RUNDC3B: variants seen among roughly 807,000 people sequenced by gnomAD.
RUNDC3B encodes the protein RUN domain containing 3B, also known as RUN domain-containing protein 3B.
Under a neutral mutation model 58.4 loss-of-function variants are expected in RUNDC3B, and 33 were observed. The ratio of observed to expected loss-of-function variants is 0.56; its 90% CI spans 0.43 to 0.75. The LOEUF (loss-of-function observed/expected upper bound fraction) is 0.75. Among genes scored for constraint, RUNDC3B ranks in the 30% least tolerant of loss-of-function variants. RUNDC3B has a pLI of 0.00. For missense variants in RUNDC3B, 501 were observed against 535.7 expected (o/e 0.94, Z 0.64); for synonymous variants, 193 against 195.2 (o/e 0.99, Z 0.10).
rs182663174 is a variant in RUNDC3B at position 87,766,496 on chromosome 7, T to C, written c.630-4085T>C. Among the ~76,000 whole-genome samples, 393 of 152,254 alleles carry C rather than the reference T, an allele frequency of 2.6e-3. 1 individual carries two copies. The highest frequency in any genetic ancestry group is 7.9e-3 in the Admixed American group (121 of 15,288). On this transcript the variant is annotated intron_variant, in intron 6 of 10. Transcript: ENST00000394654. The stretch of plus-strand genomic sequence containing the variant: ...GGGAAGGACTTTATTTCTTCTTCAT[T>C]GATGAAGCTTAGTTTGGCAGTATAT...
intron 9 of RUNDC3B, among the ~76,000 whole-genome samples, chr7:87,811,403 G>A (rs573389017): frequency 2.0e-5 from 3 of 151,236 alleles, no homozygotes; most frequent in East Asian, 3.9e-4. Context: ...GCACGATCTC[G>A]GCTCACCACA....
intron 4 of RUNDC3B, among the ~76,000 whole-genome samples, chr7:87,734,167 C>G (rs1373988283): frequency 6.6e-6 from 1 of 152,110 alleles, no homozygotes; most frequent in Non-Finnish European, 1.5e-5. Context: ...TTTTGAAAAA[C>G]TGAATCTTTC....
chr7:87,757,257 T>C (rs1833424370), intron 6 of RUNDC3B, among the ~76,000 whole-genome samples: 1 of 152,160 alleles, frequency 6.6e-6, no homozygotes, highest in Non-Finnish European at 1.5e-5. Flanking sequence ...ATACTATAGT[T>C]ATGCTTGATT....
intron 2 of RUNDC3B, among the ~76,000 whole-genome samples, chr7:87,692,302 A>C (rs924680211): frequency 6.6e-6 from 1 of 152,124 alleles, no homozygotes; most frequent in Non-Finnish European, 1.5e-5. Context: ...AAAACACATA[A>C]AAACATTAGT....
chr7:87,814,399 C>T (rs1836913528), intron 9 of RUNDC3B, among the ~76,000 whole-genome samples: 2 of 152,188 alleles, frequency 1.3e-5, no homozygotes, highest in South Asian at 2.1e-4. Flanking sequence ...CACGCCCGGC[C>T]GGAGAATTAT....
At chr7:87,770,829 C>A in intron 7 of RUNDC3B, 80 bp downstream of exon 7, 1 of 965,954 alleles carries the variant, frequency 1.0e-6, no homozygotes, top group Non-Finnish European at 1.5e-6. Context: ...TATTTTTTAA[C>A]TGAATAAAAT....
At chr7:87,712,913 T>C (rs1281638938) in intron 4 of RUNDC3B, among the ~76,000 whole-genome samples, 1 of 152,160 alleles carries the variant, frequency 6.6e-6, no homozygotes, top group Non-Finnish European at 1.5e-5. Flanking sequence ...ATAATGGCTT[T>C]GGAACTCTTA....
intron 3 of RUNDC3B, among the ~76,000 whole-genome samples, chr7:87,702,142 CAAAAAAAAAAA>C (rs146127516): frequency 1.3e-3 from 22 of 16,776 alleles, no homozygotes; most frequent in Middle Eastern, 0.038. Context: ...GACTCTGTCT[CAAAAAAAAAAA>C]AAAAAAAAAA....
At chr7:87,768,574 T>C (rs988815167) in intron 6 of RUNDC3B, among the ~76,000 whole-genome samples, 5 of 152,214 alleles carry the variant, frequency 3.3e-5, no homozygotes, top group African/African-American at 1.2e-4. Flanking sequence ...TCCAGATTAC[T>C]ATTGGCAGAA....
At chr7:87,717,325 GA>G (rs1032806236) in intron 4 of RUNDC3B, among the ~76,000 whole-genome samples, 8 of 151,204 alleles carry the variant, frequency 5.3e-5, no homozygotes, top group African/African-American at 1.9e-4. Flanking sequence ...AACAAGATAA[GA>G]AAAACAAACA....
intron 2 of RUNDC3B, among the ~76,000 whole-genome samples, chr7:87,656,682 T>TA (rs533094728): frequency 5.3e-5 from 8 of 152,034 alleles, no homozygotes; most frequent in Non-Finnish European, 5.9e-5. Flanking sequence ...ATTGATAGTT[T>TA]AAAAAAAACC....
intron 2 of RUNDC3B, among the ~76,000 whole-genome samples, chr7:87,684,533 G>A (rs767645858): frequency 4.6e-5 from 7 of 151,948 alleles, no homozygotes; most frequent in Non-Finnish European, 8.8e-5. Flanking sequence ...CGGATCATGA[G>A]GTCAAGAGAT....
intron 8 of RUNDC3B, among the ~76,000 whole-genome samples, chr7:87,801,992 G>T (rs1485682535): frequency 6.6e-6 from 1 of 152,122 alleles, no homozygotes; most frequent in Non-Finnish European, 1.5e-5. Context: ...CTCCTGAAAC[G>T]ATATAAAGCG....
intron 3 of RUNDC3B, 152 bp from the exon 4 acceptor site, chr7:87,710,418 A>G: frequency 1.8e-6 from 1 of 554,356 alleles, no homozygotes; most frequent in South Asian, 2.5e-5. Flanking sequence ...ATCAAAATTT[A>G]CCTATTTTTA....
chr7:87,745,428 A>C (rs1246692639), intron 6 of RUNDC3B, among the ~76,000 whole-genome samples: 1 of 152,144 alleles, frequency 6.6e-6, no homozygotes, highest in Non-Finnish European at 1.5e-5. Context: ...AATTCTGTGA[A>C]TCCATCTGGT....
At chr7:87,637,527 T>G (rs1419866094) in intron 1 of RUNDC3B, among the ~76,000 whole-genome samples, 1 of 152,176 alleles carries the variant, frequency 6.6e-6, no homozygotes, top group Admixed American at 6.5e-5. Context: ...TTTATGATAT[T>G]AAGACTTACG....
chr7:87,763,019 T>C (rs1833782903), intron 6 of RUNDC3B, among the ~76,000 whole-genome samples: 1 of 151,604 alleles, frequency 6.6e-6, no homozygotes, highest in Non-Finnish European at 1.5e-5. Context: ...ATATCCTTTA[T>C]TCTTTCTTGC....
rs1831543064 is a variant in RUNDC3B at position 87,730,999 on chromosome 7, A to T, written c.459-8792A>T. ...ACCTGTATAAGTCTGAAAGAGCCAC[A>T]GTATTTTTGTGCATGGGGTGCTTCC... On this transcript the variant is annotated intron_variant, in intron 4 of 10. Transcript: ENST00000394654. 3.3e-5 allele frequency among the ~76,000 whole-genome samples: 5 copies of T among 152,196 alleles called. No individual in the cohort carries two copies. The South Asian group carries it at 8.3e-4, about 25-fold the overall frequency.
rs551340282 is a variant in RUNDC3B at position 87,807,274 on chromosome 7, T to C, written c.957-99T>C. ...TTCACAATCTATTAACAAACCAATT[T>C]TATAAGATAAATTTTGGGGGCCTAA... On this transcript the variant is annotated intron_variant, in intron 8 of 10. Transcript: ENST00000394654. 139 of 1,136,966 alleles carry C rather than the reference T, an allele frequency of 1.2e-4. 2 individuals carry two copies. The South Asian group carries it at 2.0e-3, about 16-fold the overall frequency. 70.4% of individuals were successfully genotyped at this position (1,136,966 alleles called of 1,614,324 possible). A position where few individuals can be genotyped will look rare whatever the true frequency, so the allele number is the denominator to read the frequency against.
Sources: allele counts gnomAD v4.1 joint callset (sites outside exome capture counted in the v4.1 genomes callset), GRCh38; gene constraint gnomAD v4.1.1; transcripts MANE v1.5; gene names NCBI Gene and HGNC (gene_info 2026-07-23, HGNC 2026-07-21).